GTF2B: variants seen among roughly 807,000 people sequenced by gnomAD.
GTF2B encodes transcription initiation factor IIB.
In GTF2B, 20 loss-of-function variants were observed where a neutral mutation model predicts 34.6. That is an observed-to-expected ratio of 0.58 (90% CI 0.41 to 0.84). GTF2B has a LOEUF of 0.84. Ranked by LOEUF, GTF2B falls within the 40% of genes least tolerant of loss-of-function variation. The probability of loss-of-function intolerance (pLI) is 0.00; values close to 1 mark genes in which losing one functional copy is unlikely to be tolerated. For missense variants in GTF2B, 237 were observed against 393.3 expected (o/e 0.60, Z 3.36); for synonymous variants, 142 against 132.4 (o/e 1.07, Z -0.50).
At chr1:88,876,211 ACT>A (rs1359398994) in intron 2 of GTF2B, among the ~76,000 whole-genome samples, 1 of 152,260 alleles carries the variant, frequency 6.6e-6, no homozygotes, top group Non-Finnish European at 1.5e-5. Context: ...TTTAGGAAAC[ACT>A]GTTAATGCTA....
chr1:88,886,910 CATTATT>C (rs927910359), intron 2 of GTF2B, among the ~76,000 whole-genome samples: 10 of 150,764 alleles, frequency 6.6e-5, no homozygotes, highest in South Asian at 6.2e-4. Flanking sequence ...GGACCCTAAA[CATTATT>C]ATTATTATTA....
chr1:88,868,215 G>T (rs553745452), intron 2 of GTF2B, among the ~76,000 whole-genome samples: 1 of 152,342 alleles, frequency 6.6e-6, no homozygotes, highest in East Asian at 1.9e-4. Context: ...CCATGCCTGG[G>T]TATAATCTAT....
chr1:88,874,806 C>T lies in GTF2B; in HGVS notation c.125-10692G>A, dbSNP rs530683502. On this transcript the variant is annotated intron_variant, in intron 2 of 6. Coordinates refer to ENST00000370500, the MANE Select transcript of GTF2B (RefSeq NM_001514.6). ...AACCCAAATTACTTGTCTTCACAGG[C>T]TCATTTAGTTTACAAACTACGTATG... Among the ~76,000 whole-genome samples the T allele has an allele frequency of 2.8e-4, 42 of 152,190 alleles. No homozygotes were observed. In the South Asian group the frequency reaches 7.7e-3, roughly 28 times the overall value.
At chr1:88,878,618 G>A (rs189230792) in intron 2 of GTF2B, among the ~76,000 whole-genome samples, 3 of 152,304 alleles carry the variant, frequency 2.0e-5, no homozygotes, top group Admixed American at 1.3e-4. Context: ...ATGTGACCTC[G>A]TCAGTATCAA....
chr1:88,856,085 C>G (rs1220433434), intron 6 of GTF2B, among the ~76,000 whole-genome samples: 1 of 151,928 alleles, frequency 6.6e-6, no homozygotes, highest in Non-Finnish European at 1.5e-5. Flanking sequence ...GCCTGCCCAA[C>G]ATGGTGAAAC....
chr1:88,879,443 G>A (rs572794968), intron 2 of GTF2B, among the ~76,000 whole-genome samples: 9 of 151,882 alleles, frequency 5.9e-5, no homozygotes, highest in Non-Finnish European at 8.8e-5. Context: ...AGCCAGGTGC[G>A]GTGGTGGGTG....
chr1:88,854,401 C>T (rs1010518570), intron 6 of GTF2B, among the ~76,000 whole-genome samples: 1 of 152,132 alleles, frequency 6.6e-6, no homozygotes, highest in Non-Finnish European at 1.5e-5. Context: ...AGTCGCTGTC[C>T]CTTTTTTCCT....
At chr1:88,890,437 A>G (rs910679525) in intron 1 of GTF2B, among the ~76,000 whole-genome samples, 5 of 152,258 alleles carry the variant, frequency 3.3e-5, no homozygotes, top group African/African-American at 1.2e-4. Context: ...CTATTTTGTA[A>G]AAATGGCTTT....
At chr1:88,872,182 G>C (rs138105676) in intron 2 of GTF2B, among the ~76,000 whole-genome samples, 1 of 151,874 alleles carries the variant, frequency 6.6e-6, no homozygotes, top group African/African-American at 2.4e-5. Flanking sequence ...GGCCGGGTGC[G>C]GTGGCTCACG....
At chr1:88,871,971 A>G (rs1050610594) in intron 2 of GTF2B, among the ~76,000 whole-genome samples, 56 of 151,834 alleles carry the variant, frequency 3.7e-4, no homozygotes, top group Non-Finnish European at 6.2e-4. Context: ...GACCTCAGGT[A>G]GTCCACCCAC....
At chr1:88,877,607 GA>G (rs1217491539) in intron 2 of GTF2B, among the ~76,000 whole-genome samples, 1 of 152,132 alleles carries the variant, frequency 6.6e-6, no homozygotes, top group African/African-American at 2.4e-5. Flanking sequence ...TGGAATTTGG[GA>G]AAAAACCCCC....
At chr1:88,890,764 T>G (rs923477504) in intron 1 of GTF2B, among the ~76,000 whole-genome samples, 2 of 152,188 alleles carry the variant, frequency 1.3e-5, no homozygotes. Flanking sequence ...GGGTACTGCA[T>G]GCATTTCCTG....
Position 88,860,137 on chromosome 1 carries a change from T to TA in GTF2B, c.405+2dup. 1 of 1,613,998 alleles carries TA rather than the reference T, an allele frequency of 6.2e-7. No individual in the cohort carries two copies. The highest frequency in any genetic ancestry group is 8.5e-7 in the Non-Finnish European group (1 of 1,179,924). Reference sequence around the variant, plus strand: ...GGCTTAAAGGAGGTAGACAAGAACTTACAACTATATTTCGAGGTAGATTGA... The same window carrying TA: ...GGCTTAAAGGAGGTAGACAAGAACTTAACAACTATATTTCGAGGTAGATTGA... On this transcript the variant is annotated splice_region_variant and intron_variant, in intron 4 of 6. Transcript: ENST00000370500.
At chr1:88,875,660 C>T (rs548262959) in intron 2 of GTF2B, among the ~76,000 whole-genome samples, 2 of 152,098 alleles carry the variant, frequency 1.3e-5, no homozygotes, top group African/African-American at 4.8e-5. Context: ...ATGCTTCACT[C>T]GAAATTCAAC....
At chr1:88,869,601 G>C (rs929525228) in intron 2 of GTF2B, among the ~76,000 whole-genome samples, 2 of 152,092 alleles carry the variant, frequency 1.3e-5, no homozygotes, top group African/African-American at 4.8e-5. Context: ...TGCTGGGTGG[G>C]AGTGATTGGC....
intron 1 of GTF2B, among the ~76,000 whole-genome samples, chr1:88,891,167 G>A (rs948620645): frequency 6.8e-6 from 1 of 146,686 alleles, no homozygotes; most frequent in Non-Finnish European, 1.5e-5. Context: ...GGGAAGAAGA[G>A]AAAATAAAGG....
At chr1:88,873,182 GTTTTTTTTTTTTT>G (rs869087763) in intron 2 of GTF2B, among the ~76,000 whole-genome samples, 4 of 100,448 alleles carry the variant, frequency 4.0e-5, no homozygotes, top group Non-Finnish European at 7.6e-5. Context: ...ATTCCATTAA[GTTTTTTTTTTTTT>G]TTTTTTTTTT....
At position 88,852,859 on chromosome 1, in the gene GTF2B, G is replaced by A. The variant is rs938973669; in HGVS notation, c.*354C>T. ...TAAGTAATGGAAATAAAGTCTATCA[G>A]CTTTATTAGCTGCAATGATTTGCAT... On this transcript the variant is annotated 3_prime_UTR_variant, in exon 7 of 7. Transcript: ENST00000370500. The A allele has an allele frequency of 7.8e-5, 16 of 206,264 alleles. 1 individual carries two copies. The highest frequency in any genetic ancestry group is 6.8e-4 in the Admixed American group (12 of 17,564). The allele number at this position is 206,264 out of a possible 1,614,324, so 12.8% of individuals were successfully genotyped here. A position where few individuals can be genotyped will look rare whatever the true frequency, so the allele number is the denominator to read the frequency against.
chr1:88,875,316 C>A (rs60196671), intron 2 of GTF2B, among the ~76,000 whole-genome samples: 2 of 152,140 alleles, frequency 1.3e-5, no homozygotes, highest in African/African-American at 4.8e-5. Context: ...CCAGACCAGC[C>A]CATAAAAGCC....
Sources: allele counts gnomAD v4.1 joint callset (sites outside exome capture counted in the v4.1 genomes callset), GRCh38; gene constraint gnomAD v4.1.1; transcripts MANE v1.5; gene names NCBI Gene and HGNC (gene_info 2026-07-23, HGNC 2026-07-21).